Variants in PCCA observed in about 807,000 individuals in gnomAD.
The protein encoded by PCCA is propionyl-CoA carboxylase alpha chain, mitochondrial.
In PCCA, 74 loss-of-function variants were observed where a neutral mutation model predicts 101.3. The ratio of observed to expected loss-of-function variants is 0.73; its 90% CI spans 0.61 to 0.89. The LOEUF (loss-of-function observed/expected upper bound fraction) is 0.89. Ranked by LOEUF, PCCA falls within the 40% of genes least tolerant of loss-of-function variation. The probability of loss-of-function intolerance (pLI) is 0.00; values close to 1 mark genes in which losing one functional copy is unlikely to be tolerated. For missense variants in PCCA, 891 were observed against 907.0 expected (o/e 0.98, Z 0.23); for synonymous variants, 294 against 313.6 (o/e 0.94, Z 0.66).
intron 9 of PCCA, among the ~76,000 whole-genome samples, chr13:100,259,275 G>A (rs1381027900): frequency 6.8e-6 from 1 of 146,826 alleles, no homozygotes; most frequent in African/African-American, 2.5e-5. Context: ...TAGCATCTAT[G>A]ACTTGTCTTG....
At chr13:100,411,214 T>A (rs2078032010) in intron 19 of PCCA, among the ~76,000 whole-genome samples, 1 of 151,314 alleles carries the variant, frequency 6.6e-6, no homozygotes, top group Non-Finnish European at 1.5e-5. Context: ...ATGGGACAGG[T>A]GTGCCTCTTG....
At position 100,262,814 on chromosome 13, in the gene PCCA, C is replaced by A; in HGVS notation, c.802C>A (p.Arg268Ser). Reference sequence around the variant, plus strand: ...AATAGAAAAATTTATTGATAATCCTCGTCATATAGAAATCCAGGTTGGTAC... The same window carrying A: ...AATAGAAAAATTTATTGATAATCCTAGTCATATAGAAATCCAGGTTGGTAC... Reference protein sequence around the residue: ...LLIEKFIDNPRHIEIQVLGDK... With the variant: ...LLIEKFIDNPSHIEIQVLGDK... The change falls in exon 10 of 24, where the codon CGT (arginine) becomes AGT (serine). Residue 268 changes from arginine (R) to serine (S), a missense_variant. Arg to Ser is a moderately radical substitution (Grantham distance 110). Coordinates refer to ENST00000376285, the MANE Select transcript of PCCA (RefSeq NM_000282.4). The A allele has an allele frequency of 6.9e-7, 1 of 1,439,006 alleles. No homozygotes were observed. The highest frequency in any genetic ancestry group is 9.8e-7 in the Non-Finnish European group (1 of 1,023,260). The allele number at this position is 1,439,006 out of a possible 1,614,324, so 89.1% of individuals were successfully genotyped here. A position where few individuals can be genotyped will look rare whatever the true frequency, so the allele number is the denominator to read the frequency against.
rs567908565 is a variant in PCCA at position 100,491,826 on chromosome 13, T to C, written c.1900-23601T>C. ...ATGTAAATATTTTGGTCCCTTTTTT[T>C]CTCTATTTTTTAAAATAAAAATATT... On this transcript the variant is annotated intron_variant, in intron 21 of 23. Transcript: ENST00000376285. 4.9e-6 allele frequency: 5 copies of C among 1,017,486 alleles called. No homozygotes were observed. In the South Asian group the frequency reaches 8.5e-5, roughly 17 times the overall value. The allele number at this position is 1,017,486 out of a possible 1,614,324, so 63.0% of individuals were successfully genotyped here.
intron 21 of PCCA, among the ~76,000 whole-genome samples, 187 bp from the exon 22 acceptor site, chr13:100,515,240 C>A (rs1008808674): frequency 6.6e-6 from 1 of 152,138 alleles, no homozygotes; most frequent in African/African-American, 2.4e-5. Context: ...CAAGAACTTT[C>A]TGAAATAGCT....
intron 7 of PCCA, among the ~76,000 whole-genome samples, chr13:100,233,637 A>G (rs912146975): frequency 2.6e-5 from 4 of 152,326 alleles, no homozygotes; most frequent in African/African-American, 7.2e-5. Context: ...TTAGTAGTTT[A>G]TTATTGAAAC....
chr13:100,453,378 G>A (rs2081474771), intron 21 of PCCA, among the ~76,000 whole-genome samples: 1 of 151,928 alleles, frequency 6.6e-6, no homozygotes, highest in African/African-American at 2.4e-5. Context: ...GCAGGAGCCT[G>A]CGATCCCAGC....
chr13:100,363,281 G>T (rs993901051), intron 18 of PCCA, among the ~76,000 whole-genome samples: 1 of 151,714 alleles, frequency 6.6e-6, no homozygotes, highest in African/African-American at 2.4e-5. Flanking sequence ...TCATATACTA[G>T]ATCTAAAGTT....
chr13:100,339,242 G>A (rs2070954084), intron 17 of PCCA, among the ~76,000 whole-genome samples: 1 of 152,118 alleles, frequency 6.6e-6, no homozygotes, highest in African/African-American at 2.4e-5. Context: ...TACATGTTCA[G>A]TACAGACAAC....
intron 21 of PCCA, among the ~76,000 whole-genome samples, chr13:100,507,144 G>C (rs576767302): frequency 6.6e-6 from 1 of 152,134 alleles, no homozygotes; most frequent in Non-Finnish European, 1.5e-5. Flanking sequence ...CATTATAGTC[G>C]TAATGTGTCA....
At chr13:100,142,929 A>G (rs1443530844) in intron 4 of PCCA, among the ~76,000 whole-genome samples, 1 of 152,130 alleles carries the variant, frequency 6.6e-6, no homozygotes, top group Non-Finnish European at 1.5e-5. Context: ...GCCGCTGGAG[A>G]TGGGTCATTC....
chr13:100,430,199 C>T (rs568229591), intron 20 of PCCA, among the ~76,000 whole-genome samples: 6 of 152,108 alleles, frequency 3.9e-5, no homozygotes, highest in Admixed American at 2.0e-4. Context: ...CCCTTGAACC[C>T]GGGTTGTGGT....
chr13:100,446,859 T>C (rs59852596), intron 20 of PCCA, among the ~76,000 whole-genome samples: 4,871 of 152,368 alleles, frequency 0.032, 271 homozygotes, highest in African/African-American at 0.11. Flanking sequence ...AGGCTTATTC[T>C]GAACATATTG....
At chr13:100,305,424 T>C (rs749737668) in intron 14 of PCCA, among the ~76,000 whole-genome samples, 5 of 152,188 alleles carry the variant, frequency 3.3e-5, no homozygotes, top group Admixed American at 6.5e-5. Flanking sequence ...TTATTTTATT[T>C]GTGGGTTGAA....
chr13:100,273,412 T>C, intron 12 of PCCA, 66 bp downstream of exon 12: 1 of 1,335,356 alleles, frequency 7.5e-7, no homozygotes, highest in South Asian at 1.2e-5. Flanking sequence ...TCCACCCTTT[T>C]TTGTTTTATA....
intron 10 of PCCA, 27 bp from the exon 11 acceptor site, chr13:100,268,662 G>T (rs764087690): frequency 3.9e-6 from 6 of 1,535,200 alleles, no homozygotes; most frequent in Non-Finnish European, 5.4e-6. Flanking sequence ...TGGTTATATG[G>T]TTTTTCAAAT....
At chr13:100,281,279 T>C (rs2064095163) in intron 12 of PCCA, among the ~76,000 whole-genome samples, 1 of 152,142 alleles carries the variant, frequency 6.6e-6, no homozygotes, top group South Asian at 2.1e-4. Flanking sequence ...GTCGGTGGCA[T>C]TGTGAAGAAG....
At chr13:100,403,376 A>G (rs1224903761) in intron 19 of PCCA, among the ~76,000 whole-genome samples, 1 of 152,132 alleles carries the variant, frequency 6.6e-6, no homozygotes, top group Non-Finnish European at 1.5e-5. Context: ...TTATAAGAAA[A>G]GAGGTTTTAG....
chr13:100,481,659 T>C (rs1341897741), intron 21 of PCCA, among the ~76,000 whole-genome samples: 1 of 152,028 alleles, frequency 6.6e-6, no homozygotes, highest in Non-Finnish European at 1.5e-5. Context: ...GTCTACAGCG[T>C]GGAGATGCTG....
chr13:100,336,510 C>G (rs568934665), intron 17 of PCCA, among the ~76,000 whole-genome samples: 80 of 152,182 alleles, frequency 5.3e-4, no homozygotes, highest in African/African-American at 1.9e-3. Context: ...GCTTAATGAA[C>G]AAGGAGAGGA....
Sources: gnomAD v4.1 joint callset for allele counts (sites outside exome capture counted in the v4.1 genomes callset) on GRCh38, gnomAD v4.1.1 for gene constraint, MANE v1.5 for transcripts, NCBI Gene and HGNC (gene_info 2026-07-23, HGNC 2026-07-21) for gene names.